RPN2: variants seen among roughly 807,000 people sequenced by gnomAD.
RPN2 encodes the protein dolichyl-diphosphooligosaccharide--protein glycosyltransferase subunit 2.
A neutral mutation model predicts 71.4 loss-of-function variants in RPN2; 29 were observed. The observed-to-expected ratio is 0.41, with a 90% CI of 0.30 to 0.55. RPN2 has a LOEUF of 0.55. Ranked by LOEUF, RPN2 falls within the 20% of genes least tolerant of loss-of-function variation. RPN2 has a pLI of 0.35. For missense variants in RPN2, 726 were observed against 774.1 expected (o/e 0.94, Z 0.74); for synonymous variants, 308 against 305.0 (o/e 1.01, Z -0.10).
intron 9 of RPN2, among the ~76,000 whole-genome samples, chr20:37,214,268 C>T (rs2067751760): frequency 6.6e-6 from 1 of 152,172 alleles, no homozygotes; most frequent in South Asian, 2.1e-4. Context: ...CCAAGTGACA[C>T]ATACGTAACA....
intron 13 of RPN2, 137 bp from the exon 14 acceptor site, chr20:37,232,159 C>T: frequency 1.9e-6 from 2 of 1,043,726 alleles, no homozygotes; most frequent in Non-Finnish European, 3.0e-6. Context: ...CCCATGCCCA[C>T]TTGTTGCCAA....
chr20:37,210,044 C>T lies in RPN2; in HGVS notation c.868-3C>T, dbSNP rs948802859. The T allele has an allele frequency of 1.2e-6, 2 of 1,613,764 alleles. No homozygotes were observed. The highest frequency in any genetic ancestry group is 1.7e-6 in the Non-Finnish European group (2 of 1,179,934). On this transcript the variant is annotated splice_polypyrimidine_tract_variant and splice_region_variant and intron_variant, in intron 7 of 16. Coordinates refer to ENST00000237530, the MANE Select transcript of RPN2 (RefSeq NM_002951.5). ...TAACAAATAATTTTTTATTTATTTC[C>T]AGTTGCAAGTCACCAATGTTCTGTC...
Position 37,241,394 on chromosome 20 carries a change from A to C in RPN2, c.*79A>C. On this transcript the variant is annotated 3_prime_UTR_variant, in exon 17 of 17. Transcript: ENST00000237530. ...GAACAATTCACAGTATGAGAAGAAA[A>C]ATGGAAAAAAAAAACTTTATTTAAA... The C allele has an allele frequency of 6.6e-7, 1 of 1,505,656 alleles. No homozygotes were observed. Among genetic ancestry groups the C allele is most frequent in the Non-Finnish European group, 9.1e-7 (1 of 1,104,376 alleles). 93.3% of individuals were successfully genotyped at this position (1,505,656 alleles called of 1,614,324 possible).
In RPN2 at chr20:37,199,191, A is replaced by G. The variant is rs1056949197; in HGVS notation, c.445A>G (p.Thr149Ala). 6.2e-7 allele frequency: 1 copy of G among 1,614,158 alleles called. No homozygotes were observed. Among genetic ancestry groups the G allele is most frequent in the African/African-American group, 1.3e-5 (1 of 75,046 alleles). Residue 149 changes from threonine to alanine, a missense_variant, in exon 4 of 17, where the codon ACT becomes GCT. By Grantham distance (58) the Thr-to-Ala change is moderately conservative (BLOSUM62 0). Transcript: ENST00000237530. ...LASQEALSAL[T>A]ARLSKEETVL... is the part of the protein sequence containing the mutation. ...ATCCCAAGAAGCACTCAGTGCCCTT[A>G]CTGCTCGTCTCAGCAAGGAGGAGAC...
intron 16 of RPN2, among the ~76,000 whole-genome samples, chr20:37,238,243 T>C (rs2068454435): frequency 6.6e-6 from 1 of 152,160 alleles, no homozygotes; most frequent in East Asian, 1.9e-4. Flanking sequence ...TAAAGCCCAC[T>C]CTTCTGTGGC....
intron 16 of RPN2, among the ~76,000 whole-genome samples, chr20:37,238,221 G>T (rs770774950): frequency 5.0e-4 from 76 of 152,068 alleles, no homozygotes; most frequent in Non-Finnish European, 8.5e-4. Context: ...TCATGTATTC[G>T]ATTCAAAAAC....
At chr20:37,185,428 C>T (rs1009575033) in intron 2 of RPN2, among the ~76,000 whole-genome samples, 1 of 151,988 alleles carries the variant, frequency 6.6e-6, no homozygotes, top group Non-Finnish European at 1.5e-5. Flanking sequence ...TGAGCCACCA[C>T]CTGACCAGGA....
rs142408519 is a variant in RPN2 at position 37,221,318 on chromosome 20, C to T, written c.1093-2560C>T. 3.8e-3 allele frequency among the ~76,000 whole-genome samples: 573 copies of T among 151,798 alleles called. 1 individual carries two copies. Among genetic ancestry groups the T allele is most frequent in the Non-Finnish European group, 6.3e-3 (429 of 67,972 alleles). On this transcript the variant is annotated intron_variant, in intron 9 of 16. Transcript: ENST00000237530. ...TCAAGCCATTTTCCTGTCTCAGCCTCCTGAGTAGCTGGGACTACAGGCGTG... is the reference window on the plus strand; with the variant it reads ...TCAAGCCATTTTCCTGTCTCAGCCTTCTGAGTAGCTGGGACTACAGGCGTG...
At chr20:37,225,210 A>C (rs1024588678) in intron 10 of RPN2, among the ~76,000 whole-genome samples, 13 of 152,186 alleles carry the variant, frequency 8.5e-5, no homozygotes, top group Admixed American at 5.2e-4. Flanking sequence ...AAAAAAATAT[A>C]GCATTAAAAA....
intron 8 of RPN2, among the ~76,000 whole-genome samples, 161 bp from the exon 9 acceptor site, chr20:37,213,599 A>G (rs1400399033): frequency 6.6e-6 from 1 of 152,152 alleles, no homozygotes; most frequent in Non-Finnish European, 1.5e-5. Flanking sequence ...AAATAAAAAA[A>G]AAATAAGAAG....
chr20:37,224,321 A>G (rs1250961144), intron 10 of RPN2, among the ~76,000 whole-genome samples: 1 of 152,226 alleles, frequency 6.6e-6, no homozygotes, highest in Non-Finnish European at 1.5e-5. Context: ...GACCTTCTCA[A>G]TGAAGGAAGC....
chr20:37,204,570 G>C (rs867886632), intron 5 of RPN2, among the ~76,000 whole-genome samples, 197 bp from the exon 6 acceptor site: 1 of 152,188 alleles, frequency 6.6e-6, no homozygotes, highest in African/African-American at 2.4e-5. Context: ...AGAAGATAGT[G>C]CTCTCCTCAA....
chr20:37,209,495 G>C (rs1049662808), intron 7 of RPN2, among the ~76,000 whole-genome samples: 1 of 149,842 alleles, frequency 6.7e-6, no homozygotes, highest in Non-Finnish European at 1.5e-5. Context: ...TTCAGAGACA[G>C]GGTTTCCCTC....
intron 7 of RPN2, among the ~76,000 whole-genome samples, chr20:37,208,454 G>C (rs1347289297): frequency 6.6e-6 from 1 of 152,128 alleles, no homozygotes; most frequent in East Asian, 1.9e-4. Context: ...ATGTCGCGCA[G>C]GCTGGAGTGC....
intron 13 of RPN2, 45 bp downstream of exon 13, chr20:37,230,104 G>C (rs199728233): frequency 2.5e-5 from 36 of 1,426,376 alleles, no homozygotes; most frequent in South Asian, 2.3e-5. Context: ...AGAAGAGAGG[G>C]CAACAAAGCC....
chr20:37,179,409 C>T, intron 1 of RPN2, 40 bp downstream of exon 1: 1 of 1,487,826 alleles, frequency 6.7e-7, no homozygotes, highest in Non-Finnish European at 9.0e-7. Flanking sequence ...GGGCTGTCGC[C>T]CGCGGGAGGT....
chr20:37,228,498 A>G (rs1879549411), intron 11 of RPN2, 52 bp from the exon 12 acceptor site: 1 of 1,554,406 alleles, frequency 6.4e-7, no homozygotes, highest in Non-Finnish European at 8.9e-7. Context: ...TGTTAGGCCC[A>G]GGGAGAATCT....
intron 4 of RPN2, among the ~76,000 whole-genome samples, chr20:37,201,159 C>A (rs768944599): frequency 7.3e-5 from 11 of 151,262 alleles, no homozygotes; most frequent in Admixed American, 2.0e-4. Flanking sequence ...TCTTGGTGGG[C>A]GTGTAGGAAA....
intron 9 of RPN2, among the ~76,000 whole-genome samples, chr20:37,217,052 T>A (rs2146636510): frequency 6.6e-6 from 1 of 151,632 alleles, no homozygotes; most frequent in South Asian, 2.1e-4. Context: ...CACCTCAACC[T>A]CTCAGGTAGC....
Sources: gnomAD v4.1 joint callset for allele counts (sites outside exome capture counted in the v4.1 genomes callset) on GRCh38, gnomAD v4.1.1 for gene constraint, MANE v1.5 for transcripts, NCBI Gene and HGNC (gene_info 2026-07-23, HGNC 2026-07-21) for gene names.